PTPRD: variants seen among roughly 807,000 people sequenced by gnomAD.
PTPRD encodes the protein protein tyrosine phosphatase receptor type D.
A neutral mutation model predicts 214.5 loss-of-function variants in PTPRD; 34 were observed. The observed-to-expected ratio is 0.16, with a 90% CI of 0.12 to 0.21. The LOEUF (loss-of-function observed/expected upper bound fraction) is 0.21, where lower values mean the gene tolerates loss of function less well. Ranked by LOEUF, PTPRD falls within the 10% of genes least tolerant of loss-of-function variation. The pLI is 1.00. For synonymous variants in PTPRD, 1,128 were observed against 845.7 expected, an observed-to-expected ratio of 1.33 and a Z score of -5.79; for missense variants, 2,545 against 2,398.7, an observed-to-expected ratio of 1.06 and a Z score of -1.27.
chr9:8,484,440 A>G (rs2135801992), intron 29 of PTPRD, 62 bp from the exon 30 acceptor site: 1 of 1,525,516 alleles, frequency 6.6e-7, no homozygotes, highest in Non-Finnish European at 8.8e-7. Context: ...TATATTTTCT[A>G]AACCAATGTG....
At chr9:10,421,872 C>T (rs2098548993) in intron 2 of PTPRD, among the ~76,000 whole-genome samples, 1 of 151,864 alleles carries the variant, frequency 6.6e-6, no homozygotes, top group East Asian at 2.0e-4. Context: ...CCAATAACAG[C>T]AGTCCTTTAT....
At chr9:8,420,536 A>C (rs2075080718) in intron 35 of PTPRD, among the ~76,000 whole-genome samples, 1 of 152,192 alleles carries the variant, frequency 6.6e-6, no homozygotes, top group South Asian at 2.1e-4. Flanking sequence ...GTGGCATCAC[A>C]ATTGGTTGCT....
chr9:8,774,421 G>A (rs1443697281), intron 11 of PTPRD, among the ~76,000 whole-genome samples: 2 of 151,002 alleles, frequency 1.3e-5, no homozygotes, highest in East Asian at 3.9e-4. Context: ...ACAAGATGAA[G>A]ATGAAGAAAA....
chr9:9,606,810 A>G (rs2094184980), intron 7 of PTPRD, among the ~76,000 whole-genome samples: 1 of 151,710 alleles, frequency 6.6e-6, no homozygotes, highest in African/African-American at 2.4e-5. Flanking sequence ...ACCTAAGACA[A>G]TAAATGATCA....
chr9:8,359,976 C>A (rs2078059676), intron 39 of PTPRD, among the ~76,000 whole-genome samples: 1 of 152,162 alleles, frequency 6.6e-6, no homozygotes, highest in Non-Finnish European at 1.5e-5. Flanking sequence ...ACTAGGTCAG[C>A]TCAATGTTTG....
chr9:9,707,541 C>T (rs1441869370), intron 7 of PTPRD, among the ~76,000 whole-genome samples: 6 of 151,928 alleles, frequency 3.9e-5, no homozygotes, highest in Non-Finnish European at 5.9e-5. Flanking sequence ...GGAATAACAG[C>T]GTGATTATTG....
intron 10 of PTPRD, among the ~76,000 whole-genome samples, chr9:9,138,028 A>C (rs2099853690): frequency 1.3e-5 from 2 of 152,166 alleles, no homozygotes; most frequent in South Asian, 4.1e-4. Context: ...TAAAGATGTT[A>C]AGGGATAGAG....
chr9:10,512,393 A>C lies in PTPRD; in HGVS notation c.-600+100005T>G, dbSNP rs575235070. On this transcript the variant is annotated intron_variant, in intron 2 of 45. Coordinates refer to ENST00000381196, the MANE Select transcript of PTPRD (RefSeq NM_002839.4). ...ATACTGCCAAGAATGGTGAGTTTGC[A>C]TAGAATAAAAAATGTTGACCATGGG... Among the ~76,000 whole-genome samples, 6 of 152,130 alleles carry C rather than the reference A, an allele frequency of 3.9e-5. No homozygotes were observed. The South Asian group carries it at 1.2e-3, about 32-fold the overall frequency.
chr9:8,899,902 G>A (rs2098653017), intron 11 of PTPRD, among the ~76,000 whole-genome samples: 1 of 152,184 alleles, frequency 6.6e-6, no homozygotes, highest in African/African-American at 2.4e-5. Context: ...AAAGTTTTTA[G>A]AATGGGAGCA....
chr9:9,325,593 C>A (rs1161023207), intron 9 of PTPRD, among the ~76,000 whole-genome samples: 3 of 152,124 alleles, frequency 2.0e-5, no homozygotes, highest in Non-Finnish European at 1.5e-5. Flanking sequence ...AGATTTTGGG[C>A]TGAGACAATG....
At chr9:9,134,104 C>T (rs1487564798) in intron 10 of PTPRD, among the ~76,000 whole-genome samples, 2 of 104,846 alleles carry the variant, frequency 1.9e-5, no homozygotes, top group East Asian at 3.3e-4. Context: ...CTCGCTCTGT[C>T]GCCCAGGCTG....
At chr9:8,988,399 T>C (rs957134122) in intron 11 of PTPRD, among the ~76,000 whole-genome samples, 7 of 152,126 alleles carry the variant, frequency 4.6e-5, no homozygotes, top group African/African-American at 1.4e-4. Flanking sequence ...ATTAGGGCTA[T>C]TTTTCTTTAA....
At chr9:10,438,782 G>A (rs2098739317) in intron 2 of PTPRD, among the ~76,000 whole-genome samples, 1 of 151,654 alleles carries the variant, frequency 6.6e-6, no homozygotes, top group South Asian at 2.1e-4. Flanking sequence ...TCTCCTTATA[G>A]TAGAGAGCTC....
At chr9:9,038,108 T>G (rs1323610084) in intron 10 of PTPRD, among the ~76,000 whole-genome samples, 1 of 152,180 alleles carries the variant, frequency 6.6e-6, no homozygotes, top group Non-Finnish European at 1.5e-5. Flanking sequence ...TCCTACTCTC[T>G]CTTCCATGTC....
intron 39 of PTPRD, among the ~76,000 whole-genome samples, chr9:8,348,726 T>A (rs1458565196): frequency 6.6e-6 from 1 of 152,190 alleles, no homozygotes; most frequent in Admixed American, 6.6e-5. Context: ...ACATGTTTTA[T>A]GCTTTCCCAC....
chr9:10,100,198 A>G (rs1171237036), intron 3 of PTPRD, among the ~76,000 whole-genome samples: 1 of 151,732 alleles, frequency 6.6e-6, no homozygotes, highest in Non-Finnish European at 1.5e-5. Flanking sequence ...AATGAGGTAG[A>G]AAAATGGTAA....
At chr9:9,183,822 G>A (rs1593100190) in intron 9 of PTPRD, among the ~76,000 whole-genome samples, 1 of 151,922 alleles carries the variant, frequency 6.6e-6, no homozygotes, top group African/African-American at 2.4e-5. Flanking sequence ...CCAAGCTAAA[G>A]CAAATCCTTG....
At chr9:9,845,785 T>A (rs913731358) in intron 5 of PTPRD, among the ~76,000 whole-genome samples, 1 of 152,016 alleles carries the variant, frequency 6.6e-6, no homozygotes, top group African/African-American at 2.4e-5. Flanking sequence ...AATCATAATG[T>A]TAATTTTATG....
intron 7 of PTPRD, among the ~76,000 whole-genome samples, chr9:9,704,987 A>AG (rs2154417327): frequency 6.6e-6 from 1 of 152,336 alleles, no homozygotes; most frequent in African/African-American, 2.4e-5. Flanking sequence ...ATTTTGGGGT[A>AG]GTTTGTTAAT....
Sources: gnomAD v4.1 joint callset for allele counts (sites outside exome capture counted in the v4.1 genomes callset) on GRCh38, gnomAD v4.1.1 for gene constraint, MANE v1.5 for transcripts, NCBI Gene and HGNC (gene_info 2026-07-23, HGNC 2026-07-21) for gene names.